The following FSTL5 variants were observed in gnomAD, a reference collection of about 807,000 sequenced individuals.
FSTL5 encodes the protein follistatin like 5.
Under a neutral mutation model 89.1 loss-of-function variants are expected in FSTL5, and 62 were observed. The ratio of observed to expected loss-of-function variants is 0.70; its 90% confidence interval spans 0.57 to 0.86. The LOEUF is 0.86. Ranked by LOEUF, FSTL5 falls within the 40% of genes least tolerant of loss-of-function variation. FSTL5 has a pLI of 0.00. For synonymous variants in FSTL5, 383 were observed against 346.2 expected (o/e 1.11, Z -1.18); for missense variants, 1,057 against 1,001.6 (o/e 1.06, Z -0.75).
At chr4:162,116,563 T>C (rs992408507) in intron 1 of FSTL5, among the ~76,000 whole-genome samples, 2 of 152,172 alleles carry the variant, frequency 1.3e-5, no homozygotes, top group African/African-American at 4.8e-5. Flanking sequence ...CTTGGGCTTT[T>C]GGTGCTAATT....
At chr4:162,094,744 T>A (rs550499848) in intron 2 of FSTL5, among the ~76,000 whole-genome samples, 1 of 152,234 alleles carries the variant, frequency 6.6e-6, no homozygotes, top group Admixed American at 6.5e-5. Flanking sequence ...TAGTAATTAG[T>A]CAGAAGTGGC....
At chr4:161,515,270 T>C (rs956748452) in intron 10 of FSTL5, among the ~76,000 whole-genome samples, 3 of 152,060 alleles carry the variant, frequency 2.0e-5, no homozygotes, top group South Asian at 2.1e-4. Context: ...AGATCTCAGC[T>C]CACTGCAATC....
At chr4:161,610,707 C>T (rs868015998) in intron 7 of FSTL5, among the ~76,000 whole-genome samples, 1 of 152,230 alleles carries the variant, frequency 6.6e-6, no homozygotes, top group Admixed American at 6.5e-5. Flanking sequence ...AAATTTCTTT[C>T]TTGAAATGAT....
chr4:161,902,354 G>A (rs1275491185), intron 4 of FSTL5, among the ~76,000 whole-genome samples: 2 of 152,076 alleles, frequency 1.3e-5, no homozygotes, highest in Non-Finnish European at 2.9e-5. Flanking sequence ...TTCTGCTATA[G>A]TAGTAAGGAG....
intron 1 of FSTL5, among the ~76,000 whole-genome samples, chr4:162,153,625 T>C (rs978536898): frequency 2.8e-5 from 4 of 140,782 alleles, no homozygotes; most frequent in African/African-American, 8.0e-5. Flanking sequence ...ATATTATATA[T>C]GTATATAATA....
intron 15 of FSTL5, among the ~76,000 whole-genome samples, chr4:161,441,972 G>C (rs551596888): frequency 3.3e-5 from 5 of 151,960 alleles, no homozygotes; most frequent in Non-Finnish European, 7.4e-5. Flanking sequence ...TCTTGCAAAT[G>C]CTTTCTTATA....
At chr4:161,863,939 T>C (rs1050024757) in intron 4 of FSTL5, among the ~76,000 whole-genome samples, 7 of 152,156 alleles carry the variant, frequency 4.6e-5, no homozygotes, top group Non-Finnish European at 1.0e-4. Flanking sequence ...AAAAAAATGG[T>C]GCTTGTTTGT....
At chr4:161,848,234 A>T (rs1304428000) in intron 4 of FSTL5, among the ~76,000 whole-genome samples, 2 of 152,052 alleles carry the variant, frequency 1.3e-5, no homozygotes, top group African/African-American at 2.4e-5. Context: ...CTCAGACATG[A>T]TTAGGCTTTT....
intron 1 of FSTL5, among the ~76,000 whole-genome samples, chr4:162,131,356 C>T (rs1732295042): frequency 6.6e-6 from 1 of 152,142 alleles, no homozygotes; most frequent in African/African-American, 2.4e-5. Flanking sequence ...TTTATACTCA[C>T]ATGGTGACAA....
At chr4:161,748,616 T>G (rs1046185006) in intron 6 of FSTL5, among the ~76,000 whole-genome samples, 35 of 150,632 alleles carry the variant, frequency 2.3e-4, no homozygotes, top group African/African-American at 7.5e-4. Context: ...GTTTTTTTTT[T>G]TTTTTTTTTT....
chr4:161,955,531 A>C (rs1366474328), intron 3 of FSTL5, among the ~76,000 whole-genome samples: 1 of 151,916 alleles, frequency 6.6e-6, no homozygotes, highest in Non-Finnish European at 1.5e-5. Flanking sequence ...AACAGAAGAA[A>C]AAATGTTTAT....
intron 6 of FSTL5, among the ~76,000 whole-genome samples, chr4:161,746,912 G>GC (rs1216742666): frequency 2.0e-5 from 3 of 151,876 alleles, no homozygotes; most frequent in Non-Finnish European, 2.9e-5. Flanking sequence ...TTGCTGATGG[G>GC]CCCCCCATAG....
At chr4:161,748,948 G>T (rs780751758) in intron 6 of FSTL5, among the ~76,000 whole-genome samples, 17 of 151,966 alleles carry the variant, frequency 1.1e-4, no homozygotes, top group Admixed American at 2.0e-4. Context: ...CTAAGCATCG[G>T]ATAAATGCAA....
chr4:161,784,056 C>T (rs959791038), intron 4 of FSTL5, among the ~76,000 whole-genome samples: 1 of 151,722 alleles, frequency 6.6e-6, no homozygotes, highest in African/African-American at 2.4e-5. Flanking sequence ...CTGCCTCAGC[C>T]TCTTAGGTAG....
chr4:161,850,252 C>T lies in FSTL5; in HGVS notation c.409+70152G>A, dbSNP rs561425329. On this transcript the variant is annotated intron_variant, in intron 4 of 15. Transcript: ENST00000306100. ...AAAATGGTAGAAGTTACTATTTATA[C>T]GGAATAATAACCGTGGGTTTTTAGA... Among the ~76,000 whole-genome samples the T allele has an allele frequency of 3.7e-4, 57 of 152,142 alleles. 1 individual carries two copies. Among genetic ancestry groups the T allele is most frequent in the Middle Eastern group, 3.4e-3 (1 of 294 alleles).
intron 4 of FSTL5, among the ~76,000 whole-genome samples, chr4:161,812,021 T>C (rs1315538708): frequency 1.3e-5 from 2 of 152,156 alleles, no homozygotes; most frequent in Non-Finnish European, 1.5e-5. Flanking sequence ...AATATGTGAA[T>C]ATAATATAAA....
At chr4:161,950,670 G>A (rs1350255030) in intron 3 of FSTL5, among the ~76,000 whole-genome samples, 1 of 152,136 alleles carries the variant, frequency 6.6e-6, no homozygotes, top group Non-Finnish European at 1.5e-5. Flanking sequence ...GAATGCCTCA[G>A]TTTGGTTCCT....
intron 4 of FSTL5, among the ~76,000 whole-genome samples, chr4:161,859,018 T>A (rs999618973): frequency 1.3e-5 from 2 of 152,224 alleles, no homozygotes. Context: ...ACGTCTTATG[T>A]GGTCCTGGTC....
At chr4:161,777,950 C>T (rs1252273363) in intron 4 of FSTL5, among the ~76,000 whole-genome samples, 4 of 151,974 alleles carry the variant, frequency 2.6e-5, no homozygotes, top group Non-Finnish European at 4.4e-5. Context: ...AAAAATTGGC[C>T]GGGCACGATG....
Sources: gnomAD v4.1 joint callset for allele counts (sites outside exome capture counted in the v4.1 genomes callset) on GRCh38, gnomAD v4.1.1 for gene constraint, MANE v1.5 for transcripts, NCBI Gene and HGNC (gene_info 2026-07-23, HGNC 2026-07-21) for gene names.